HERC1: variants seen among roughly 807,000 people sequenced by gnomAD.
The protein encoded by HERC1 is probable E3 ubiquitin-protein ligase HERC1.
In HERC1, 160 loss-of-function variants were observed where a neutral mutation model predicts 554.3. The observed-to-expected ratio is 0.29, with a 90% CI of 0.25 to 0.33. The LOEUF is 0.33. Ranked by LOEUF, HERC1 falls within the 10% of genes least tolerant of loss-of-function variation. The pLI, the probability that HERC1 is intolerant of heterozygous loss-of-function variation, is 1.00. For missense variants in HERC1, 4,919 were observed against 5,918.5 expected (o/e 0.83, Z 5.54); for synonymous variants, 2,175 against 2,131.7 (o/e 1.02, Z -0.56).
intron 7 of HERC1, 53 bp downstream of exon 7, chr15:63,754,452 T>C: frequency 6.8e-7 from 1 of 1,477,860 alleles, no homozygotes; most frequent in Non-Finnish European, 9.1e-7. Flanking sequence ...AAATAAATTT[T>C]TAAAAAACTC....
At chr15:63,624,366 T>C in intron 71 of HERC1, 39 bp from the exon 72 acceptor site, 1 of 1,517,786 alleles carries the variant, frequency 6.6e-7, no homozygotes. Context: ...TGGTACAATC[T>C]AGGCTTAAAA....
rs1267768457 is a variant in HERC1, at chr15:63,658,629, C to T, written c.9514G>A (p.Val3172Met). 6.2e-7 allele frequency: 1 copy of T among 1,613,976 alleles called. No individual in the cohort carries two copies. The highest frequency in any genetic ancestry group is 2.2e-5 in the East Asian group (1 of 44,882). Residue 3172 changes from valine to methionine, a missense_variant, in exon 48 of 78, where the codon GTG becomes ATG. Transcript: ENST00000443617. ...AALANPHDRV[V>M]ALRRVTAAAQ... ...GCAGCAGTCACTCTCCTTAAAGCCA[C>T]CACACGGTCATGAGGGTTTGCTAGG... is the stretch of plus-strand genomic sequence containing the variant.
intron 2 of HERC1, among the ~76,000 whole-genome samples, chr15:63,766,005 C>T (rs1364566283): frequency 6.6e-6 from 1 of 152,082 alleles, no homozygotes; most frequent in African/African-American, 2.4e-5. Context: ...TTAACCTTGA[C>T]AAAATAAACC....
intron 34 of HERC1, among the ~76,000 whole-genome samples, chr15:63,683,135 C>CAAA (rs1336396917): frequency 7.7e-5 from 6 of 77,688 alleles, no homozygotes; most frequent in Non-Finnish European, 1.2e-4. Context: ...CACTCTGTCT[C>CAAA]AAAAAAAAAA....
intron 1 of HERC1, among the ~76,000 whole-genome samples, chr15:63,788,818 G>A (rs902724829): frequency 2.0e-5 from 3 of 150,512 alleles, no homozygotes; most frequent in Non-Finnish European, 4.4e-5. Context: ...TTGGAGGCTG[G>A]GGCAGGAGAT....
At chr15:63,822,772 G>A (rs2077749415) in intron 1 of HERC1, among the ~76,000 whole-genome samples, 1 of 152,136 alleles carries the variant, frequency 6.6e-6, no homozygotes, top group African/African-American at 2.4e-5. Flanking sequence ...GGAGATGGTG[G>A]TGGTTTAAAC....
intron 4 of HERC1, among the ~76,000 whole-genome samples, chr15:63,757,040 G>C (rs1567093361): frequency 6.6e-6 from 1 of 151,836 alleles, no homozygotes; most frequent in Non-Finnish European, 1.5e-5. Flanking sequence ...TCTTATAACT[G>C]AGAATGGCAA....
At position 63,827,433 on chromosome 15, in the gene HERC1, A is replaced by G. The variant is rs546206276; in HGVS notation, c.-27+6394T>C. On this transcript the variant is annotated intron_variant, in intron 1 of 77. Coordinates refer to ENST00000443617, the MANE Select transcript of HERC1 (RefSeq NM_003922.4). ...AGTGAGACTGTGTCTTAAAAAAAAA[A>G]AAGACCGAAGAAAATGAAAGGAATA... Among the ~76,000 whole-genome samples, 137 of 152,116 alleles carry G rather than the reference A, an allele frequency of 9.0e-4. 1 individual carries two copies. The highest frequency in any genetic ancestry group is 1.5e-3 in the South Asian group (7 of 4,826).
At chr15:63,732,895 T>A (rs573998261) in intron 14 of HERC1, 29 bp downstream of exon 14, 4 of 1,439,954 alleles carry the variant, frequency 2.8e-6, no homozygotes, top group Middle Eastern at 1.7e-4. Flanking sequence ...CCTTTATTCT[T>A]TTTTTACTAC....
At chr15:63,626,359 T>C (rs1466646026) in intron 70 of HERC1, among the ~76,000 whole-genome samples, 1 of 152,146 alleles carries the variant, frequency 6.6e-6, no homozygotes, top group African/African-American at 2.4e-5. Context: ...GAGAAAAAAA[T>C]AAAATAAAAT....
intron 76 of HERC1, among the ~76,000 whole-genome samples, chr15:63,613,677 A>T (rs904891175): frequency 6.7e-6 from 1 of 149,414 alleles, no homozygotes; most frequent in Non-Finnish European, 1.5e-5. Flanking sequence ...TATATATATA[A>T]AAAAAAACTG....
At chr15:63,800,899 A>C (rs1405031214) in intron 1 of HERC1, among the ~76,000 whole-genome samples, 1 of 152,168 alleles carries the variant, frequency 6.6e-6, no homozygotes, top group Non-Finnish European at 1.5e-5. Flanking sequence ...CCAAGTGATA[A>C]AAGTGTTGGA....
intron 55 of HERC1, among the ~76,000 whole-genome samples, chr15:63,647,124 G>C (rs1018634109): frequency 4.0e-5 from 6 of 151,898 alleles, no homozygotes; most frequent in Non-Finnish European, 8.8e-5. Context: ...TTTGGTGGTG[G>C]GTGCCTGTAA....
intron 1 of HERC1, among the ~76,000 whole-genome samples, chr15:63,800,026 GGGGAGGCTGAGGCA>G (rs2076929076): frequency 2.0e-5 from 3 of 151,948 alleles, no homozygotes; most frequent in African/African-American, 7.3e-5. Flanking sequence ...CCTAGCTACT[GGGGAGGCTGAGGCA>G]GGAGGATCCC....
intron 19 of HERC1, among the ~76,000 whole-genome samples, chr15:63,720,391 A>C (rs1203074341): frequency 6.6e-6 from 1 of 152,094 alleles, no homozygotes; most frequent in Non-Finnish European, 1.5e-5. Context: ...AGGGACTGCT[A>C]GTCTCCGTTC....
At chr15:63,801,079 G>C (rs1443465506) in intron 1 of HERC1, among the ~76,000 whole-genome samples, 1 of 152,170 alleles carries the variant, frequency 6.6e-6, no homozygotes, top group African/African-American at 2.4e-5. Context: ...AAGATGCTGG[G>C]AGGGTGGCAT....
chr15:63,680,257 A>G lies in HERC1; in HGVS notation c.6466-97T>C, dbSNP rs185593457. ...TTAGAATTGAAAGCTTTTATGAGACAGAACAAAAGTTACTAGATCAAATTC... is the reference window on the plus strand; with the variant it reads ...TTAGAATTGAAAGCTTTTATGAGACGGAACAAAAGTTACTAGATCAAATTC... On this transcript the variant is annotated intron_variant, in intron 35 of 77. Coordinates refer to ENST00000443617, the MANE Select transcript of HERC1 (RefSeq NM_003922.4). This position sits in a 1 kb window ranked among gnomAD's most constrained non-coding sequence, Gnocchi z 5.8. 2.1e-6 allele frequency: 2 copies of G among 935,192 alleles called. No homozygotes were observed. The highest frequency in any genetic ancestry group is 1.7e-5 in the African/African-American group (1 of 60,132). 57.9% of individuals were successfully genotyped at this position (935,192 alleles called of 1,614,324 possible). A position where few individuals can be genotyped will look rare whatever the true frequency, so the allele number is the denominator to read the frequency against.
chr15:63,824,076 A>G (rs1390329924), intron 1 of HERC1, among the ~76,000 whole-genome samples: 1 of 152,236 alleles, frequency 6.6e-6, no homozygotes. Context: ...TCAAAAAATC[A>G]AAACCACAAT....
At chr15:63,817,395 A>C (rs76128558) in intron 1 of HERC1, among the ~76,000 whole-genome samples, 1 of 152,142 alleles carries the variant, frequency 6.6e-6, no homozygotes, top group African/African-American at 2.4e-5. Flanking sequence ...AAAGGTAAAC[A>C]TTACGTATGT....
Sources: allele counts gnomAD v4.1 joint callset (sites outside exome capture counted in the v4.1 genomes callset), GRCh38; gene constraint gnomAD v4.1.1; non-coding constraint Gnocchi (gnomAD v3.1); transcripts MANE v1.5; gene names NCBI Gene and HGNC (gene_info 2026-07-23, HGNC 2026-07-21).